Variants in DNAJC8 observed in about 807,000 individuals in gnomAD.
DNAJC8 encodes dnaJ homolog subfamily C member 8.
A neutral mutation model predicts 43.2 loss-of-function variants in DNAJC8; 24 were observed. That is an observed-to-expected ratio of 0.56 (90% CI 0.40 to 0.78). The LOEUF is 0.78. Ranked by LOEUF, DNAJC8 falls within the 30% of genes least tolerant of loss-of-function variation. DNAJC8 has a pLI of 0.00. For synonymous variants in DNAJC8, 83 were observed against 98.0 expected (o/e 0.85, Z 0.90); for missense variants, 207 against 299.4 (o/e 0.69, Z 2.28).
chr1:28,224,070 C>T (rs543640855), intron 2 of DNAJC8, among the ~76,000 whole-genome samples: 2 of 152,182 alleles, frequency 1.3e-5, no homozygotes, highest in Admixed American at 1.3e-4. Context: ...AAAGGTAACC[C>T]ACTGGCCAAA....
intron 2 of DNAJC8, among the ~76,000 whole-genome samples, chr1:28,220,118 T>C (rs775447754): frequency 6.6e-5 from 10 of 152,144 alleles, no homozygotes; most frequent in Non-Finnish European, 1.3e-4. Context: ...CACCACATGA[T>C]TGGGCAAAAA....
chr1:28,220,996 T>C (rs1646894369), intron 2 of DNAJC8, among the ~76,000 whole-genome samples: 1 of 151,832 alleles, frequency 6.6e-6, no homozygotes, highest in Admixed American at 6.6e-5. Flanking sequence ...TTCAGATAAG[T>C]TCCTGAACTC....
chr1:28,232,100 AG>A (rs1290708187), intron 1 of DNAJC8, among the ~76,000 whole-genome samples: 1 of 150,756 alleles, frequency 6.6e-6, no homozygotes, highest in Non-Finnish European at 1.5e-5. Context: ...TTAAAGAGAC[AG>A]GGTCTCACTC....
At chr1:28,207,859 C>A (rs1182348515) in intron 6 of DNAJC8, among the ~76,000 whole-genome samples, 2 of 151,834 alleles carry the variant, frequency 1.3e-5, no homozygotes, top group Non-Finnish European at 2.9e-5. Flanking sequence ...AGTTCAAGAC[C>A]AGCCTAGCCA....
At position 28,219,631 on chromosome 1, in the gene DNAJC8, T is replaced by G. The variant is rs2149020889; in HGVS notation, c.181-4635A>C. Among the ~76,000 whole-genome samples, 3 of 152,316 alleles carry G rather than the reference T, an allele frequency of 2.0e-5. No homozygotes were observed. The South Asian group carries it at 6.2e-4, about 32-fold the overall frequency. On this transcript the variant is annotated intron_variant, in intron 2 of 8. Transcript: ENST00000263697. Reference sequence around the variant, plus strand: ...ATGTGGTTTTCCTATGGCTAAAGTTTCTTAAGCTCTAGTTTTATTAGAGGC... The same window carrying G: ...ATGTGGTTTTCCTATGGCTAAAGTTGCTTAAGCTCTAGTTTTATTAGAGGC...
intron 1 of DNAJC8, 119 bp downstream of exon 1, chr1:28,232,802 A>T: frequency 9.3e-7 from 1 of 1,072,464 alleles, no homozygotes. Flanking sequence ...CGCCACCCCG[A>T]AGACTGGACT....
intron 6 of DNAJC8, among the ~76,000 whole-genome samples, chr1:28,206,061 G>A (rs928816743): frequency 7.2e-5 from 11 of 151,980 alleles, no homozygotes; most frequent in Non-Finnish European, 8.8e-5. Flanking sequence ...GTGTGGTGGC[G>A]CACACTTGTA....
intron 7 of DNAJC8, 147 bp from the exon 8 acceptor site, chr1:28,203,969 A>T: frequency 1.3e-6 from 1 of 758,942 alleles, no homozygotes; most frequent in South Asian, 1.6e-5. Flanking sequence ...AAGGGCTCAT[A>T]GCATTTTCAT....
intron 2 of DNAJC8, among the ~76,000 whole-genome samples, chr1:28,219,833 T>C (rs1557711116): frequency 6.6e-6 from 1 of 152,130 alleles, no homozygotes; most frequent in Non-Finnish European, 1.5e-5. Context: ...TTTGCCACCA[T>C]GCCCAGCTAA....
chr1:28,214,921 C>G lies in DNAJC8; in HGVS notation c.237+19G>C. 1 of 1,573,612 alleles carries G rather than the reference C, an allele frequency of 6.4e-7. No individual in the cohort carries two copies. The highest frequency in any genetic ancestry group is 2.3e-5 in the East Asian group (1 of 44,182). On this transcript the variant is annotated intron_variant, in intron 3 of 8. Coordinates refer to ENST00000263697, the MANE Select transcript of DNAJC8 (RefSeq NM_014280.3). Reference sequence around the variant, plus strand: ...TTCATACATTTTCAAAAAGTTCAAACAGGGAAATAGTACTGTACCTGCCGA... The same window carrying G: ...TTCATACATTTTCAAAAAGTTCAAAGAGGGAAATAGTACTGTACCTGCCGA...
chr1:28,232,791 C>A, intron 1 of DNAJC8, 130 bp downstream of exon 1: 1 of 957,214 alleles, frequency 1.0e-6, no homozygotes, highest in South Asian at 1.5e-5. Context: ...CCCCAGACCC[C>A]CGCCACCCCG....
Position 28,214,929 on chromosome 1 carries a change from T to C in DNAJC8, c.237+11A>G, listed in dbSNP as rs1030750679. The stretch of plus-strand genomic sequence containing the variant: ...TTTTCAAAAAGTTCAAACAGGGAAA[T>C]AGTACTGTACCTGCCGAAACCTCTT... On this transcript the variant is annotated intron_variant, in intron 3 of 8. Coordinates refer to ENST00000263697, the MANE Select transcript of DNAJC8 (RefSeq NM_014280.3). 4 of 1,591,586 alleles carry C rather than the reference T, an allele frequency of 2.5e-6. No individual in the cohort carries two copies. In the African/African-American group the frequency reaches 5.4e-5, roughly 21 times the overall value.
At chr1:28,216,071 G>A (rs547017674) in intron 2 of DNAJC8, among the ~76,000 whole-genome samples, 32 of 152,016 alleles carry the variant, frequency 2.1e-4, no homozygotes, top group Non-Finnish European at 2.6e-4. Flanking sequence ...CTCCCTGGCC[G>A]GGCGCAGTGG....
chr1:28,218,284 G>A (rs1182051349), intron 2 of DNAJC8, among the ~76,000 whole-genome samples: 1 of 151,786 alleles, frequency 6.6e-6, no homozygotes, highest in Non-Finnish European at 1.5e-5. Flanking sequence ...TAGTAGAGAC[G>A]GGGTTTCTCC....
intron 5 of DNAJC8, 114 bp from the exon 6 acceptor site, chr1:28,208,527 T>C: frequency 1.9e-6 from 1 of 526,048 alleles, no homozygotes; most frequent in Non-Finnish European, 3.1e-6. Flanking sequence ...AGCAAAAAGT[T>C]TTCATTAAAA....
At position 28,200,476 on chromosome 1, in the gene DNAJC8, C is replaced by T; in HGVS notation, c.*772G>A. 2.2e-6 allele frequency: 1 copy of T among 456,462 alleles called. No individual in the cohort carries two copies. The highest frequency in any genetic ancestry group is 4.4e-6 in the Non-Finnish European group (1 of 226,798). The allele number at this position is 456,462 out of a possible 1,614,324, so 28.3% of individuals were successfully genotyped here. A position where few individuals can be genotyped will look rare whatever the true frequency, so the allele number is the denominator to read the frequency against. ...AAACTAAGGTTCAGCCAGGTCTGTC[C>T]AACCCCAAAGCATTTTGGGGTTCAG... On this transcript the variant is annotated 3_prime_UTR_variant, in exon 9 of 9. Transcript: ENST00000263697.
At chr1:28,230,800 T>G (rs1348190153) in intron 1 of DNAJC8, among the ~76,000 whole-genome samples, 1 of 152,180 alleles carries the variant, frequency 6.6e-6, no homozygotes, top group African/African-American at 2.4e-5. Flanking sequence ...AGGCAGTGCC[T>G]GCCAGGTGTC....
At chr1:28,208,267 C>A in intron 6 of DNAJC8, 75 bp downstream of exon 6, 1 of 1,090,336 alleles carries the variant, frequency 9.2e-7, no homozygotes, top group Non-Finnish European at 1.3e-6. Flanking sequence ...ATTCTTTTGG[C>A]TTCTGTCTCT....
intron 8 of DNAJC8, among the ~76,000 whole-genome samples, chr1:28,203,457 T>A (rs987140629): frequency 2.0e-5 from 3 of 152,182 alleles, no homozygotes; most frequent in Non-Finnish European, 4.4e-5. Context: ...CTGTGCCTAC[T>A]ACAATCTAAA....
Sources: gnomAD v4.1 joint callset for allele counts (sites outside exome capture counted in the v4.1 genomes callset) on GRCh38, gnomAD v4.1.1 for gene constraint, MANE v1.5 for transcripts, NCBI Gene and HGNC (gene_info 2026-07-23, HGNC 2026-07-21) for gene names.